Variants in SLC7A1 observed in about 807,000 individuals in gnomAD.
The protein encoded by SLC7A1 is high affinity cationic amino acid transporter 1.
In SLC7A1, 10 loss-of-function variants were observed where a neutral mutation model predicts 53.9. The ratio of observed to expected loss-of-function variants is 0.19; its 90% CI spans 0.11 to 0.31. The LOEUF (loss-of-function observed/expected upper bound fraction) is 0.31, where lower values mean the gene tolerates loss of function less well. SLC7A1 is among the 10% of genes least tolerant of loss of function. SLC7A1 has a pLI of 1.00. For missense variants in SLC7A1, 525 were observed against 827.2 expected (o/e 0.63, Z 4.48); for synonymous variants, 342 against 338.7 (o/e 1.01, Z -0.11).
intron 1 of SLC7A1, among the ~76,000 whole-genome samples, chr13:29,559,860 C>T (rs1446065270): frequency 3.9e-5 from 6 of 151,986 alleles, no homozygotes; most frequent in Non-Finnish European, 5.9e-5. Context: ...GGACTACAGG[C>T]GCCCGCCACC....
chr13:29,562,589 C>T (rs1237181702), intron 1 of SLC7A1, among the ~76,000 whole-genome samples: 2 of 152,170 alleles, frequency 1.3e-5, no homozygotes, highest in Non-Finnish European at 2.9e-5. Context: ...TATCCTCAAC[C>T]GGTACACTGT....
intron 1 of SLC7A1, among the ~76,000 whole-genome samples, chr13:29,589,951 T>C (rs1872040689): frequency 6.6e-6 from 1 of 152,128 alleles, no homozygotes; most frequent in African/African-American, 2.4e-5. Context: ...GCAGAGTACA[T>C]GGTGAGCACT....
At chr13:29,548,016 T>C (rs1869998274) in intron 2 of SLC7A1, among the ~76,000 whole-genome samples, 1 of 152,190 alleles carries the variant, frequency 6.6e-6, no homozygotes. Context: ...TTGAGCCCTA[T>C]GAAACTGTCA....
chr13:29,578,288 T>G (rs991127613), intron 1 of SLC7A1, among the ~76,000 whole-genome samples: 1 of 147,860 alleles, frequency 6.8e-6, no homozygotes, highest in Non-Finnish European at 1.5e-5. Context: ...ACAACTGAAG[T>G]TTTTTTTTTG....
chr13:29,533,430 C>T (rs1337007914), intron 3 of SLC7A1, among the ~76,000 whole-genome samples: 1 of 152,166 alleles, frequency 6.6e-6, no homozygotes, highest in Non-Finnish European at 1.5e-5. Flanking sequence ...CTTAGGAAGC[C>T]TCTTTTCTAG....
At chr13:29,586,569 T>C (rs1349462617) in intron 1 of SLC7A1, among the ~76,000 whole-genome samples, 1 of 152,204 alleles carries the variant, frequency 6.6e-6, no homozygotes, top group Non-Finnish European at 1.5e-5. Context: ...TACATAGTAT[T>C]CTAACATGGA....
At chr13:29,516,559 C>T (rs1883561935) in intron 11 of SLC7A1, among the ~76,000 whole-genome samples, 1 of 152,240 alleles carries the variant, frequency 6.6e-6, no homozygotes, top group Non-Finnish European at 1.5e-5. Flanking sequence ...GAAGACGGAC[C>T]TCCACTTTAC....
At chr13:29,522,214 C>G (rs1868659290) in intron 8 of SLC7A1, 103 bp downstream of exon 8, 1 of 1,145,236 alleles carries the variant, frequency 8.7e-7, no homozygotes, top group Non-Finnish European at 1.3e-6. Context: ...TTAAAAAGAC[C>G]AGTTAAGATT....
At chr13:29,576,293 T>TTTAAAAAAAAAAAAAAAA (rs552407983) in intron 1 of SLC7A1, among the ~76,000 whole-genome samples, 2 of 124,966 alleles carry the variant, frequency 1.6e-5, no homozygotes, top group African/African-American at 7.3e-5. Flanking sequence ...TCCTGTTTTT[T>TTTAAAAAAAAAAAAAAAA]AAAAAAAAAA....
At chr13:29,525,477 C>A in intron 5 of SLC7A1, among the ~76,000 whole-genome samples, 1 of 152,208 alleles carries the variant, frequency 6.6e-6, no homozygotes, top group East Asian at 1.9e-4. Context: ...ACACTGACAT[C>A]CCTCAGGTTG....
At chr13:29,593,714 T>C (rs1872197322) in intron 1 of SLC7A1, among the ~76,000 whole-genome samples, 2 of 151,974 alleles carry the variant, frequency 1.3e-5, no homozygotes, top group Admixed American at 1.3e-4. Context: ...TTCTACCAAA[T>C]AGAAAATTGT....
intron 11 of SLC7A1, 186 bp downstream of exon 11, chr13:29,516,957 GC>G: frequency 3.9e-6 from 2 of 510,946 alleles, no homozygotes; most frequent in Non-Finnish European, 6.8e-6. Context: ...GAGAAGGGCT[GC>G]TGCCTCCTTC....
Position 29,514,465 on chromosome 13 carries a change from G to A in SLC7A1, c.*15C>T, listed in dbSNP as rs759409750. The A allele has an allele frequency of 1.9e-6, 3 of 1,598,628 alleles. No homozygotes were observed. Among genetic ancestry groups the A allele is most frequent in the Admixed American group, 1.7e-5 (1 of 59,940 alleles). Reference sequence around the variant, plus strand: ...CCTCGGGGCTGCTGCCACCTCCGGGGGGCGGGGCTGTGCGTCACTTGCACT... The same window carrying A: ...CCTCGGGGCTGCTGCCACCTCCGGGAGGCGGGGCTGTGCGTCACTTGCACT... On this transcript the variant is annotated 3_prime_UTR_variant, in exon 13 of 13. Transcript: ENST00000380752.
intron 1 of SLC7A1, among the ~76,000 whole-genome samples, chr13:29,566,770 T>TA (rs1391813798): frequency 6.6e-6 from 1 of 152,238 alleles, no homozygotes; most frequent in South Asian, 2.1e-4. Context: ...ATCAGATTTA[T>TA]AAAACTATTT....
At chr13:29,519,666 C>G (rs928609531) in intron 8 of SLC7A1, 117 bp from the exon 9 acceptor site, 21 of 595,724 alleles carry the variant, frequency 3.5e-5, no homozygotes, top group African/African-American at 3.0e-4. Context: ...ACTCCCACCC[C>G]CTCCCTGGCC....
chr13:29,566,650 T>C (rs1438804338), intron 1 of SLC7A1, among the ~76,000 whole-genome samples: 1 of 152,170 alleles, frequency 6.6e-6, no homozygotes, highest in African/African-American at 2.4e-5. Context: ...GAGTTTCCTT[T>C]TAGGGGTGAC....
intron 1 of SLC7A1, among the ~76,000 whole-genome samples, chr13:29,554,401 G>A (rs994480889): frequency 6.6e-5 from 10 of 152,086 alleles, no homozygotes; most frequent in African/African-American, 2.4e-5. Context: ...AAGCATACAC[G>A]TGCCCGTAAC....
intron 2 of SLC7A1, among the ~76,000 whole-genome samples, chr13:29,542,607 C>A (rs892846846): frequency 1.5e-4 from 22 of 150,304 alleles, no homozygotes; most frequent in African/African-American, 5.4e-4. Context: ...GGCTTGAGCC[C>A]AGGAAATCAA....
At chr13:29,536,325 C>T (rs954201683) in intron 2 of SLC7A1, 123 bp from the exon 3 acceptor site, 1 of 1,020,960 alleles carries the variant, frequency 9.8e-7, no homozygotes, top group African/African-American at 1.6e-5. Context: ...TGCTAAAACG[C>T]TTTAATTCGT....
Sources: allele counts gnomAD v4.1 joint callset (sites outside exome capture counted in the v4.1 genomes callset), GRCh38; gene constraint gnomAD v4.1.1; transcripts MANE v1.5; gene names NCBI Gene and HGNC (gene_info 2026-07-23, HGNC 2026-07-21).